GSDME: variants seen among roughly 807,000 people sequenced by gnomAD.
GSDME encodes gasdermin E, also known as gasdermin-E.
GSDME carries 44 observed loss-of-function variants against 47.5 expected under a neutral mutation model. That is an observed-to-expected ratio of 0.93 (90% CI 0.73 to 1.19). The LOEUF is 1.19. Ranked by LOEUF, GSDME falls within the 50% of genes most tolerant of loss-of-function variation. The pLI is 0.00. For synonymous variants in GSDME, 258 were observed against 252.8 expected, an observed-to-expected ratio of 1.02 and a Z score of -0.20; for missense variants, 663 against 604.2, an observed-to-expected ratio of 1.10 and a Z score of -1.02.
chr7:24,793,989 C>T, the GSDME span, among the ~76,000 whole-genome samples: 2 of 152,216 alleles, frequency 1.3e-5, no homozygotes, highest in African/African-American at 4.8e-5. Context: ...TCAGTGCTTT[C>T]GGGCTACGCC....
Position 24,741,004 on chromosome 7 carries a change from T to C in GSDME, c.404+3558A>G, listed in dbSNP as rs1270759299. Among the ~76,000 whole-genome samples, 3 of 152,226 alleles carry C rather than the reference T, an allele frequency of 2.0e-5. No homozygotes were observed. In the East Asian group the frequency reaches 5.8e-4, roughly 29 times the overall value. On this transcript the variant is annotated intron_variant, in intron 3 of 9. Transcript: ENST00000645220. Reference sequence around the variant, plus strand: ...ACTCAGGGGAGGGAGCTGACAGGTGTGCGCGCTCCAGAGTCCACTCACTTC... The same window carrying C: ...ACTCAGGGGAGGGAGCTGACAGGTGCGCGCGCTCCAGAGTCCACTCACTTC...
chr7:24,709,192 G>A (rs1051482075), intron 6 of GSDME, among the ~76,000 whole-genome samples: 11 of 152,116 alleles, frequency 7.2e-5, no homozygotes, highest in South Asian at 2.1e-4. Flanking sequence ...CGGTCCAGTC[G>A]CACACCCAGC....
At chr7:24,758,626 C>G (rs531528988), upstream of GSDME, among the ~76,000 whole-genome samples, 2 of 152,260 alleles carry the variant, frequency 1.3e-5, no homozygotes, top group Admixed American at 6.5e-5. The surrounding 1 kb of genome is among the most constrained non-coding windows in gnomAD (Gnocchi z 4.6). Context: ...TAGAGAAGCC[C>G]GGCAGCGCTT....
At chr7:24,734,327 A>G (rs1790234945) in intron 3 of GSDME, among the ~76,000 whole-genome samples, 1 of 152,232 alleles carries the variant, frequency 6.6e-6, no homozygotes, top group South Asian at 2.1e-4. Context: ...GGATGGGTAT[A>G]AACAAGCCCA....
At position 24,749,596 on chromosome 7, in the gene GSDME, T is replaced by G; in HGVS notation, c.179A>C (p.Asp60Ala). ...CGGAAATTGGTCTTCTATGAGTACA[T>G]CGCCAAGGGTGAGGGATAAAAACTG... ...KYQFLSLTLG[D>A]VLIEDQFPSP... The change falls in exon 2 of 10, where the codon GAT becomes GCT. Residue 60 changes from aspartate to alanine, a missense_variant. Physicochemically the swap from Asp to Ala is moderately radical, Grantham distance 126. Transcript: ENST00000645220. The G allele has an allele frequency of 6.2e-7, 1 of 1,613,530 alleles. No homozygotes were observed. The highest frequency in any genetic ancestry group is 1.1e-5 in the South Asian group (1 of 91,038).
At chr7:24,719,416 G>A (rs992504370) in intron 3 of GSDME, among the ~76,000 whole-genome samples, 198 bp from the exon 4 acceptor site, 3 of 152,132 alleles carry the variant, frequency 2.0e-5, no homozygotes, top group African/African-American at 7.2e-5. Context: ...CAGAGCTGCC[G>A]GGCCTCTGGG....
chr7:24,769,974 C>G, the GSDME span, among the ~76,000 whole-genome samples: 1 of 152,178 alleles, frequency 6.6e-6, no homozygotes, highest in Non-Finnish European at 1.5e-5. Context: ...TCCTAAAACC[C>G]TTGGAACTCC....
the GSDME span, among the ~76,000 whole-genome samples, chr7:24,772,565 C>G: frequency 1.3e-5 from 2 of 152,186 alleles, no homozygotes; most frequent in Admixed American, 1.3e-4. The surrounding 1 kb of genome is among the most constrained non-coding windows in gnomAD (Gnocchi z 4.5). Context: ...AATGAACAGT[C>G]AACTGTGGCT....
At chr7:24,781,375 G>A in the GSDME span, among the ~76,000 whole-genome samples, 1 of 152,160 alleles carries the variant, frequency 6.6e-6, no homozygotes, top group Non-Finnish European at 1.5e-5. Context: ...TGCACGTGGG[G>A]AAGCCGTGAG....
intron 1 of GSDME, among the ~76,000 whole-genome samples, chr7:24,751,163 C>A (rs753960338): frequency 4.6e-5 from 7 of 152,060 alleles, no homozygotes; most frequent in Admixed American, 2.0e-4. Context: ...TTTCATAAAT[C>A]AAGTTTTAAA....
At chr7:24,782,668 T>C in the GSDME span, among the ~76,000 whole-genome samples, 46 of 152,336 alleles carry the variant, frequency 3.0e-4, no homozygotes, top group African/African-American at 1.1e-3. Context: ...GTTGAACTAG[T>C]TTACAGTCCC....
In GSDME at chr7:24,742,320, GCT is replaced by G. The variant is rs1275113589; in HGVS notation, c.404+2240_404+2241del. Among the ~76,000 whole-genome samples, 4 of 152,200 alleles carry G rather than the reference GCT, an allele frequency of 2.6e-5. No homozygotes were observed. The highest frequency in any genetic ancestry group is 4.4e-5 in the Non-Finnish European group (3 of 68,036). ...ATCCCAGCACCAGCATCCAAATTGAGCTCTGTGTCTGGGAATAAGTTATTTCT... is the reference window on the plus strand; with the variant it reads ...ATCCCAGCACCAGCATCCAAATTGAGCTGTGTCTGGGAATAAGTTATTTCT... On this transcript the variant is annotated intron_variant, in intron 3 of 9. Coordinates refer to ENST00000645220, the MANE Select transcript of GSDME (RefSeq NM_001127453.2). This position sits in a 1 kb window ranked among gnomAD's most constrained non-coding sequence, Gnocchi z 4.4.
At chr7:24,789,459 C>A in the GSDME span, among the ~76,000 whole-genome samples, 1 of 152,086 alleles carries the variant, frequency 6.6e-6, no homozygotes, top group Non-Finnish European at 1.5e-5. Flanking sequence ...GTGAGCAGGT[C>A]GTGATCAATT....
Position 24,706,228 on chromosome 7 carries a change from TTGCTGCC to T in GSDME, c.1132_1138del (p.Gly378SerfsTer5). 1 of 1,614,240 alleles carries T rather than the reference TTGCTGCC, an allele frequency of 6.2e-7. No homozygotes were observed. Among genetic ancestry groups the T allele is most frequent in the Non-Finnish European group, 8.5e-7 (1 of 1,180,040 alleles). ...GAAGTAGGCTGTCATAAACAGCTGC[TTGCTGCC>T]TGCATCCTCGGGGCCCGGACACCCA... is the stretch of plus-strand genomic sequence containing the variant. On this transcript the variant is annotated frameshift_variant, in exon 8 of 10. Transcript: ENST00000645220. LOFTEE classifies it high-confidence loss of function.
In GSDME at chr7:24,721,082, G is replaced by A. The variant is rs2237313; in HGVS notation, c.405-1864C>T. 0.12 allele frequency among the ~76,000 whole-genome samples: 18,795 copies of A among 151,910 alleles called. 1,233 individuals are homozygous for A. Among genetic ancestry groups the A allele is most frequent in the Middle Eastern group, 0.2 (58 of 294 alleles). On this transcript the variant is annotated intron_variant, in intron 3 of 9. Transcript: ENST00000645220. This position sits in a 1 kb window ranked among gnomAD's most constrained non-coding sequence, Gnocchi z 4.1. ...GACAGAAAGCAGATTGGAGGTTACCGGGGCTGCAGGGCTTCGCTGCCTGAT... is the reference window on the plus strand; with the variant it reads ...GACAGAAAGCAGATTGGAGGTTACCAGGGCTGCAGGGCTTCGCTGCCTGAT...
intron 3 of GSDME, among the ~76,000 whole-genome samples, chr7:24,719,792 CAAAA>C (rs531173864): frequency 1.4e-4 from 20 of 140,720 alleles, no homozygotes; most frequent in African/African-American, 5.2e-4. Context: ...GACTCCATCT[CAAAA>C]AAAAAAAGGA....
Position 24,717,258 on chromosome 7 carries a change from C to T in GSDME, c.693G>A (p.Gln231=), listed in dbSNP as rs537101702. 3 of 1,614,010 alleles carry T rather than the reference C, an allele frequency of 1.9e-6. No homozygotes were observed. The highest frequency in any genetic ancestry group is 2.5e-6 in the Non-Finnish European group (3 of 1,180,022). ...CCCATAGGAGGTGGCACTCACCGAA[C>T]TGGCCGTCCAGTTTCACGTATAACT... ...VIELYVKLDG[Q]FEFCLLRGKQ... is the part of the protein sequence containing the mutation. The change falls in exon 5 of 10, where the codon CAG becomes CAA. Residue 231 remains glutamine (Q), a synonymous_variant. Coordinates refer to ENST00000645220, the MANE Select transcript of GSDME (RefSeq NM_001127453.2).
rs141547774 is a variant in GSDME, at chr7:24,733,912, C to T, written c.404+10650G>A. On this transcript the variant is annotated intron_variant, in intron 3 of 9. Transcript: ENST00000645220. The surrounding 1 kb of genome is among the most constrained non-coding windows in gnomAD (Gnocchi z 4.3). Reference sequence around the variant, plus strand: ...CTGGCTTTACCACCTGCTGATTATACAGCCCTAGGGCCTTGAGCAAACATA... The same window carrying T: ...CTGGCTTTACCACCTGCTGATTATATAGCCCTAGGGCCTTGAGCAAACATA... 5.2e-3 allele frequency among the ~76,000 whole-genome samples: 797 copies of T among 152,328 alleles called. 13 individuals carry two copies. The highest frequency in any genetic ancestry group is 0.018 in the African/African-American group (762 of 41,560).
the GSDME span, among the ~76,000 whole-genome samples, chr7:24,790,973 G>A: frequency 3.3e-5 from 5 of 152,184 alleles, no homozygotes; most frequent in Admixed American, 1.3e-4. The surrounding 1 kb of genome is among the most constrained non-coding windows in gnomAD (Gnocchi z 4.1). Flanking sequence ...AAATCCCATG[G>A]TGAGTTTCCT....
Sources: allele counts gnomAD v4.1 joint callset (sites outside exome capture counted in the v4.1 genomes callset), GRCh38; gene constraint gnomAD v4.1.1; non-coding constraint Gnocchi (gnomAD v3.1); transcripts MANE v1.5; gene names NCBI Gene and HGNC (gene_info 2026-07-23, HGNC 2026-07-21).